Variants in RBMS3 observed in about 807,000 individuals in gnomAD.
RBMS3 encodes the protein RNA-binding motif, single-stranded-interacting protein 3.
Under a neutral mutation model 66.8 loss-of-function variants are expected in RBMS3, and 27 were observed. That is an observed-to-expected ratio of 0.40 (90% CI 0.30 to 0.56). The LOEUF (loss-of-function observed/expected upper bound fraction) is 0.56. Among genes scored for constraint, RBMS3 ranks in the 20% least tolerant of loss-of-function variants. The pLI is 0.40. For synonymous variants in RBMS3, 188 were observed against 183.0 expected, an observed-to-expected ratio of 1.03 and a Z score of -0.22; for missense variants, 513 against 549.5, an observed-to-expected ratio of 0.93 and a Z score of 0.66.
intron 4 of RBMS3, among the ~76,000 whole-genome samples, chr3:29,725,838 A>C (rs1301503009): frequency 1.3e-5 from 2 of 152,212 alleles, no homozygotes; most frequent in Non-Finnish European, 2.9e-5. Context: ...AAAAAGAGGG[A>C]ATCCTCCCTA....
intron 4 of RBMS3, among the ~76,000 whole-genome samples, chr3:29,620,338 T>C (rs1350762875): frequency 1.3e-5 from 2 of 152,140 alleles, no homozygotes; most frequent in South Asian, 2.1e-4. Flanking sequence ...TGTAATTGGC[T>C]ACTTTTCAAT....
rs1466319429 is a variant in RBMS3, at chr3:30,006,867, C to T, written c.*3005C>T. The T allele has an allele frequency of 6.6e-6, 1 of 151,894 alleles. No homozygotes were observed. Among genetic ancestry groups the T allele is most frequent in the Non-Finnish European group, 1.5e-5 (1 of 67,896 alleles). 9.4% of individuals were successfully genotyped at this position (151,894 alleles called of 1,614,324 possible). A position where few individuals can be genotyped will look rare whatever the true frequency, so the allele number is the denominator to read the frequency against. Reference sequence around the variant, plus strand: ...TTCCTGTTTCTATTCAAAACTGCTGCTTTATTTGTACATTCAGAAATATTT... The same window carrying T: ...TTCCTGTTTCTATTCAAAACTGCTGTTTTATTTGTACATTCAGAAATATTT... On this transcript the variant is annotated 3_prime_UTR_variant, in exon 15 of 15. Transcript: ENST00000383767.
chr3:29,957,567 A>G (rs1240134546), intron 12 of RBMS3, among the ~76,000 whole-genome samples: 1 of 152,198 alleles, frequency 6.6e-6, no homozygotes, highest in Non-Finnish European at 1.5e-5. Flanking sequence ...ATTTGGAGAC[A>G]GTAGAATAAT....
intron 1 of RBMS3, among the ~76,000 whole-genome samples, chr3:29,385,650 C>T (rs935590386): frequency 3.9e-5 from 6 of 152,142 alleles, no homozygotes; most frequent in African/African-American, 1.4e-4. Context: ...CACTGTATCC[C>T]ATACTGACCT....
At chr3:29,825,927 C>G (rs1028692981) in intron 6 of RBMS3, among the ~76,000 whole-genome samples, 11 of 152,162 alleles carry the variant, frequency 7.2e-5, no homozygotes, top group Non-Finnish European at 1.6e-4. Context: ...TTAGAAAGCA[C>G]TACGTCTTCT....
intron 13 of RBMS3, 73 bp from the exon 14 acceptor site, chr3:29,991,009 T>C: frequency 1.4e-6 from 2 of 1,446,304 alleles, no homozygotes; most frequent in South Asian, 1.2e-5. Context: ...AGAAGAGGGG[T>C]ACTTACAGCC....
chr3:29,346,144 TA>T (rs1411316515), intron 1 of RBMS3, among the ~76,000 whole-genome samples: 2 of 152,116 alleles, frequency 1.3e-5, no homozygotes, highest in Non-Finnish European at 2.9e-5. Context: ...CATATTGACA[TA>T]AGACAGTTCT....
intron 6 of RBMS3, among the ~76,000 whole-genome samples, chr3:29,833,606 A>T (rs908889758): frequency 6.6e-6 from 1 of 152,162 alleles, no homozygotes; most frequent in African/African-American, 2.4e-5. Flanking sequence ...GAACTTGAAG[A>T]TATATCATTT....
At position 30,004,208 on chromosome 3, in the gene RBMS3, C is replaced by CTT. The variant is rs550404989; in HGVS notation, c.*360_*361dup. 1.1e-4 allele frequency: 16 copies of CTT among 147,206 alleles called. No homozygotes were observed. The highest frequency in any genetic ancestry group is 2.3e-4 in the South Asian group (1 of 4,382). The allele number at this position is 147,206 out of a possible 1,614,324, so 9.1% of individuals were successfully genotyped here. A position where few individuals can be genotyped will look rare whatever the true frequency, so the allele number is the denominator to read the frequency against. On this transcript the variant is annotated 3_prime_UTR_variant, in exon 15 of 15. Coordinates refer to ENST00000383767, the MANE Select transcript of RBMS3 (RefSeq NM_001003793.3). Reference sequence around the variant, plus strand: ...CAGAATTTTTCTGAAGGTGTAGATACTTTTTTTTTTTTTTTAACAGAAAAC... The same window carrying CTT: ...CAGAATTTTTCTGAAGGTGTAGATACTTTTTTTTTTTTTTTTTAACAGAAAAC...
intron 12 of RBMS3, among the ~76,000 whole-genome samples, chr3:29,958,085 A>C (rs1363136238): frequency 6.6e-6 from 1 of 152,174 alleles, no homozygotes; most frequent in Non-Finnish European, 1.5e-5. Flanking sequence ...GCCTGTGTAC[A>C]TAGGGCTGGT....
At chr3:29,971,746 G>A (rs1343010504) in intron 12 of RBMS3, among the ~76,000 whole-genome samples, 2 of 152,228 alleles carry the variant, frequency 1.3e-5, no homozygotes, top group East Asian at 1.9e-4. Flanking sequence ...CTTTAGCAGA[G>A]GTACAGAGAA....
chr3:29,972,115 A>G (rs1013296032), intron 12 of RBMS3, among the ~76,000 whole-genome samples: 1 of 152,054 alleles, frequency 6.6e-6, no homozygotes, highest in East Asian at 1.9e-4. Context: ...CTATTCTTCA[A>G]TTCCTTTGGC....
chr3:29,666,520 G>T (rs940212066), intron 4 of RBMS3, among the ~76,000 whole-genome samples: 1 of 151,982 alleles, frequency 6.6e-6, no homozygotes, highest in Non-Finnish European at 1.5e-5. Context: ...TGTACTTTTG[G>T]GTTCCAGAAT....
At chr3:29,847,907 C>T (rs1292854102) in intron 6 of RBMS3, among the ~76,000 whole-genome samples, 1 of 152,132 alleles carries the variant, frequency 6.6e-6, no homozygotes, top group Non-Finnish European at 1.5e-5. Context: ...CCGCCCGCCT[C>T]GGCCTTCCAA....
chr3:29,361,799 G>C (rs370353990), intron 1 of RBMS3, among the ~76,000 whole-genome samples: 4 of 151,718 alleles, frequency 2.6e-5, no homozygotes, highest in South Asian at 4.2e-4. Flanking sequence ...TCATTCATTT[G>C]ATCTTCCATC....
At chr3:29,516,329 C>T (rs1448336557) in intron 3 of RBMS3, among the ~76,000 whole-genome samples, 2 of 152,136 alleles carry the variant, frequency 1.3e-5, no homozygotes, top group Non-Finnish European at 2.9e-5. Context: ...GCCTAGAGGT[C>T]AGGAGATGAC....
chr3:29,464,333 G>A (rs901991881), intron 2 of RBMS3, among the ~76,000 whole-genome samples: 1 of 152,124 alleles, frequency 6.6e-6, no homozygotes, highest in African/African-American at 2.4e-5. Flanking sequence ...GCCGACTGCA[G>A]GGTGTTTAGT....
At chr3:29,500,669 G>T (rs2043933746) in intron 3 of RBMS3, among the ~76,000 whole-genome samples, 1 of 151,966 alleles carries the variant, frequency 6.6e-6, no homozygotes, top group African/African-American at 2.4e-5. Context: ...GGAGTAATAT[G>T]CTATACCATA....
chr3:29,527,955 TAGC>T (rs201619045), intron 3 of RBMS3, among the ~76,000 whole-genome samples: 1,897 of 151,692 alleles, frequency 0.013, 47 homozygotes, highest in African/African-American at 0.044. Context: ...TAAAAAGAAA[TAGC>T]AGATATAATC....
Sources: allele counts gnomAD v4.1 joint callset (sites outside exome capture counted in the v4.1 genomes callset), GRCh38; gene constraint gnomAD v4.1.1; transcripts MANE v1.5; gene names NCBI Gene and HGNC (gene_info 2026-07-23, HGNC 2026-07-21).